CHAT: variants seen among roughly 807,000 people sequenced by gnomAD.
CHAT encodes the protein choline O-acetyltransferase, also known as acetyl CoA:choline O-acetyltransferase.
CHAT carries 61 observed loss-of-function variants against 76.9 expected under a neutral mutation model. The ratio of observed to expected loss-of-function variants is 0.79; its 90% CI spans 0.65 to 0.98. CHAT has a LOEUF of 0.98. CHAT is among the 50% of genes least tolerant of loss of function. The pLI is 0.00. For missense variants in CHAT, 946 were observed against 986.9 expected, an observed-to-expected ratio of 0.96 and a Z score of 0.56; for synonymous variants, 407 against 397.4, an observed-to-expected ratio of 1.02 and a Z score of -0.29.
intron 7 of CHAT, among the ~76,000 whole-genome samples, chr10:49,628,962 C>T (rs967947952): frequency 2.0e-5 from 3 of 152,266 alleles, no homozygotes; most frequent in African/African-American, 7.2e-5. Flanking sequence ...GAAGGGTCTT[C>T]CCCCAGATCC....
chr10:49,627,421 G>A (rs1478616692), intron 6 of CHAT, among the ~76,000 whole-genome samples, 187 bp from the exon 7 acceptor site: 1 of 152,150 alleles, frequency 6.6e-6, no homozygotes, highest in African/African-American at 2.4e-5. Flanking sequence ...CTTTGATTGG[G>A]GGCAGCGTGG....
intron 7 of CHAT, among the ~76,000 whole-genome samples, chr10:49,638,973 CG>C (rs1456343883): frequency 6.6e-6 from 1 of 152,172 alleles, no homozygotes; most frequent in Non-Finnish European, 1.5e-5. Flanking sequence ...CAGTGGCTCA[CG>C]CCTGTAATCC....
intron 10 of CHAT, among the ~76,000 whole-genome samples, chr10:49,650,528 G>C (rs1431975618): frequency 6.6e-6 from 1 of 152,172 alleles, no homozygotes; most frequent in Non-Finnish European, 1.5e-5. Flanking sequence ...GCTTCTTCAA[G>C]CTTGTACAAG....
rs1476579051 is a variant in CHAT, at chr10:49,667,789, A to G, written c.*2743A>G. On this transcript the variant is annotated 3_prime_UTR_variant, in exon 15 of 15. Coordinates refer to ENST00000337653, the MANE Select transcript of CHAT (RefSeq NM_020549.5). ...TATAAAATAGTTCTAGATTTATGGC[A>G]ATATAAACGTGTATAGCCTTTTGAT... 6.6e-6 allele frequency among the ~76,000 whole-genome samples: 1 copy of G among 152,262 alleles called. No individual in the cohort carries two copies. Among genetic ancestry groups the G allele is most frequent in the Non-Finnish European group, 1.5e-5 (1 of 68,046 alleles).
intron 14 of CHAT, 142 bp downstream of exon 14, chr10:49,662,924 T>A: frequency 9.4e-7 from 1 of 1,067,498 alleles, no homozygotes; most frequent in Non-Finnish European, 1.4e-6. Context: ...CAAAATGATC[T>A]GAATGTTCAT....
At chr10:49,639,658 A>G (rs995942150) in intron 7 of CHAT, among the ~76,000 whole-genome samples, 7 of 151,118 alleles carry the variant, frequency 4.6e-5, no homozygotes, top group African/African-American at 1.7e-4. Context: ...CTTTGTCTTT[A>G]TTTTTCAAAA....
At chr10:49,647,059 C>T (rs1839696092) in intron 8 of CHAT, 1 of 272,664 alleles carries the variant, frequency 3.7e-6, no homozygotes, top group African/African-American at 2.2e-5. Flanking sequence ...CTGAACAAAT[C>T]CTTAATGCAT....
intron 4 of CHAT, among the ~76,000 whole-genome samples, chr10:49,621,227 G>A (rs1244729525): frequency 3.9e-5 from 6 of 152,170 alleles, no homozygotes. Context: ...ACGGTTTAGA[G>A]GGAGGGCAGA....
chr10:49,657,696 A>G (rs533423771), intron 13 of CHAT, among the ~76,000 whole-genome samples: 1 of 152,260 alleles, frequency 6.6e-6, no homozygotes, highest in South Asian at 2.1e-4. Flanking sequence ...TCAGCTCCAT[A>G]CACACTGGGA....
intron 7 of CHAT, among the ~76,000 whole-genome samples, chr10:49,639,016 G>A (rs12249242): frequency 0.12 from 18,628 of 152,014 alleles, 1,568 homozygotes; most frequent in East Asian, 0.44. Context: ...AGGGTGGATC[G>A]TGAGGTCAGG....
chr10:49,617,812 C>T (rs1395978710), intron 2 of CHAT, among the ~76,000 whole-genome samples: 1 of 152,142 alleles, frequency 6.6e-6, no homozygotes, highest in African/African-American at 2.4e-5. Context: ...TGGGGTTGGG[C>T]AGGGCAGTCT....
At chr10:49,653,726 G>A (rs1387482448) in intron 11 of CHAT, among the ~76,000 whole-genome samples, 6 of 152,272 alleles carry the variant, frequency 3.9e-5, no homozygotes, top group African/African-American at 1.4e-4. Context: ...ATTTGGAATG[G>A]TGGTCAGTGC....
chr10:49,625,814 C>T (rs1838900432), intron 6 of CHAT, among the ~76,000 whole-genome samples, 161 bp downstream of exon 6: 1 of 152,172 alleles, frequency 6.6e-6, no homozygotes, highest in African/African-American at 2.4e-5. Flanking sequence ...CCAGTCAGTC[C>T]CATGTCTCTC....
At chr10:49,615,246 T>A (rs1200526174) in intron 1 of CHAT, among the ~76,000 whole-genome samples, 1 of 152,224 alleles carries the variant, frequency 6.6e-6, no homozygotes, top group Admixed American at 6.5e-5. Flanking sequence ...TTGTCCTTGC[T>A]GTCCTCTCAA....
chr10:49,618,085 C>T (rs1838564746), intron 2 of CHAT, among the ~76,000 whole-genome samples: 1 of 152,180 alleles, frequency 6.6e-6, no homozygotes, highest in Non-Finnish European at 1.5e-5. Flanking sequence ...AGGAAGGTGC[C>T]TCACTGTCTA....
At chr10:49,652,145 AAGG>A in intron 11 of CHAT, 139 bp downstream of exon 11, 2 of 1,169,964 alleles carry the variant, frequency 1.7e-6, no homozygotes, top group Non-Finnish European at 2.5e-6. Flanking sequence ...AGGCTGCATG[AAGG>A]AGGAGCAGAC....
At chr10:49,622,820 G>T (rs1230252135) in intron 5 of CHAT, among the ~76,000 whole-genome samples, 1 of 152,186 alleles carries the variant, frequency 6.6e-6, no homozygotes, top group Non-Finnish European at 1.5e-5. Context: ...GCTCAGAGAG[G>T]TTAAGTAACT....
At chr10:49,624,753 A>T (rs1838855513) in intron 5 of CHAT, among the ~76,000 whole-genome samples, 1 of 152,000 alleles carries the variant, frequency 6.6e-6, no homozygotes, top group African/African-American at 2.4e-5. Flanking sequence ...GGATGGATGG[A>T]TGGAAAGATG....
intron 7 of CHAT, 114 bp from the exon 8 acceptor site, chr10:49,646,391 G>A: frequency 7.4e-7 from 1 of 1,345,594 alleles, no homozygotes; most frequent in Non-Finnish European, 1.1e-6. Context: ...CTCAAGACCT[G>A]GGTCTTGTTG....
Sources: gnomAD v4.1 joint callset for allele counts (sites outside exome capture counted in the v4.1 genomes callset) on GRCh38, gnomAD v4.1.1 for gene constraint, MANE v1.5 for transcripts, NCBI Gene and HGNC (gene_info 2026-07-23, HGNC 2026-07-21) for gene names.